MALRD1: variants seen among roughly 807,000 people sequenced by gnomAD.
MALRD1 encodes MAM and LDL-receptor class A domain-containing protein 1.
Under a neutral mutation model 242.1 loss-of-function variants are expected in MALRD1, and 247 were observed. The observed-to-expected ratio is 1.02, with a 90% CI of 0.92 to 1.13. The LOEUF is 1.13. MALRD1 is among the 50% of genes most tolerant of loss of function. The probability of loss-of-function intolerance (pLI) is 0.00; values close to 1 mark genes in which losing one functional copy is unlikely to be tolerated. For missense variants in MALRD1, 2,989 were observed against 2,533.1 expected, an observed-to-expected ratio of 1.18 and a Z score of -3.86; for synonymous variants, 995 against 866.6, an observed-to-expected ratio of 1.15 and a Z score of -2.60.
At chr10:19,248,683 T>C (rs1035274523) in intron 18 of MALRD1, among the ~76,000 whole-genome samples, 1 of 151,820 alleles carries the variant, frequency 6.6e-6, no homozygotes, top group South Asian at 2.1e-4. Flanking sequence ...CTTTGACTGT[T>C]TGGACATCAT....
intron 21 of MALRD1, among the ~76,000 whole-genome samples, chr10:19,298,708 AG>A (rs35956494): frequency 0.13 from 19,143 of 151,994 alleles, 1,231 homozygotes; most frequent in South Asian, 0.15. Context: ...CAGCACCTTA[AG>A]ATGCTCAGCA....
At chr10:19,253,891 A>G (rs1434647906) in intron 18 of MALRD1, among the ~76,000 whole-genome samples, 1 of 151,954 alleles carries the variant, frequency 6.6e-6, no homozygotes, top group Non-Finnish European at 1.5e-5. Context: ...ACCATGGGTC[A>G]AGGGTGGGAC....
intron 1 of MALRD1, among the ~76,000 whole-genome samples, chr10:19,065,116 C>T (rs1171886179): frequency 6.6e-6 from 1 of 150,954 alleles, no homozygotes; most frequent in African/African-American, 2.4e-5. Flanking sequence ...GGAGAAACCC[C>T]GTCTCTACTA....
At chr10:19,591,049 T>C (rs1002504598) in intron 33 of MALRD1, among the ~76,000 whole-genome samples, 3 of 152,186 alleles carry the variant, frequency 2.0e-5, no homozygotes, top group Non-Finnish European at 4.4e-5. Flanking sequence ...GCTCTACCTA[T>C]TCATTCCTCC....
intron 25 of MALRD1, among the ~76,000 whole-genome samples, 194 bp downstream of exon 25, chr10:19,348,212 G>A (rs1844217651): frequency 6.6e-6 from 1 of 152,270 alleles, no homozygotes; most frequent in African/African-American, 2.4e-5. Context: ...ACTGTTGGAA[G>A]AATTTCTCCT....
chr10:19,578,276 A>G (rs1377829012), intron 33 of MALRD1, among the ~76,000 whole-genome samples: 1 of 152,236 alleles, frequency 6.6e-6, no homozygotes, highest in Non-Finnish European at 1.5e-5. Context: ...ATTTGTAGAA[A>G]TAGCTGAAAA....
At chr10:19,111,683 A>G (rs1217602902) in intron 5 of MALRD1, among the ~76,000 whole-genome samples, 1 of 152,254 alleles carries the variant, frequency 6.6e-6, no homozygotes, top group Non-Finnish European at 1.5e-5. Flanking sequence ...GGGCATTGCA[A>G]ACAATGTCAT....
At chr10:19,275,094 C>T (rs534970671) in intron 19 of MALRD1, among the ~76,000 whole-genome samples, 4 of 151,892 alleles carry the variant, frequency 2.6e-5, no homozygotes, top group Non-Finnish European at 5.9e-5. Flanking sequence ...TCTATTCTTT[C>T]TTCCTCATTT....
chr10:19,235,700 T>C (rs1236884627), intron 18 of MALRD1, among the ~76,000 whole-genome samples: 1 of 151,710 alleles, frequency 6.6e-6, no homozygotes, highest in Non-Finnish European at 1.5e-5. Context: ...TCATGAAATA[T>C]CTAGAAAGTA....
At chr10:19,290,568 T>A (rs1044704657) in intron 21 of MALRD1, 2 of 152,194 alleles carry the variant, frequency 1.3e-5, no homozygotes, top group African/African-American at 2.4e-5. Flanking sequence ...AGATTTCCAT[T>A]TCCTTTAAAT....
intron 28 of MALRD1, among the ~76,000 whole-genome samples, chr10:19,434,200 C>T (rs555826250): frequency 1.3e-5 from 2 of 152,084 alleles, no homozygotes; most frequent in Non-Finnish European, 2.9e-5. Context: ...ACTATTCTAG[C>T]AAAGAATGGG....
intron 18 of MALRD1, among the ~76,000 whole-genome samples, chr10:19,221,644 T>C (rs192436139): frequency 3.3e-4 from 50 of 152,148 alleles, no homozygotes; most frequent in Middle Eastern, 6.8e-3. Context: ...AAAGAGTGTA[T>C]GGGCAAGAAA....
intron 18 of MALRD1, among the ~76,000 whole-genome samples, chr10:19,254,989 C>T (rs1839442462): frequency 6.6e-6 from 1 of 151,906 alleles, no homozygotes; most frequent in Admixed American, 6.6e-5. Context: ...TTCCTAAATA[C>T]ATAGAAGGAT....
chr10:19,073,850 A>G (rs1332879505), intron 2 of MALRD1, among the ~76,000 whole-genome samples: 4 of 152,130 alleles, frequency 2.6e-5, no homozygotes, highest in Non-Finnish European at 5.9e-5. Flanking sequence ...AGAAAAGGGT[A>G]CAAAATTTGG....
chr10:19,457,288 T>C (rs940577653), intron 29 of MALRD1, among the ~76,000 whole-genome samples: 1 of 152,178 alleles, frequency 6.6e-6, no homozygotes, highest in African/African-American at 2.4e-5. Flanking sequence ...TTGACATATC[T>C]GTCAAGCAGG....
intron 21 of MALRD1, among the ~76,000 whole-genome samples, chr10:19,292,374 G>A (rs890719782): frequency 1.3e-5 from 2 of 151,970 alleles, no homozygotes; most frequent in African/African-American, 2.4e-5. Context: ...TTAAAATGTT[G>A]TGGATTTGCT....
chr10:19,189,030 TAGGGAGAGAGAGAA>T (rs1835859945), intron 14 of MALRD1, among the ~76,000 whole-genome samples: 1 of 151,562 alleles, frequency 6.6e-6, no homozygotes, highest in South Asian at 2.1e-4. Context: ...GAAATGGACC[TAGGGAGAGAGAGAA>T]AGGGAGAGAG....
intron 29 of MALRD1, among the ~76,000 whole-genome samples, chr10:19,461,939 A>G (rs1835966410): frequency 1.3e-5 from 2 of 152,116 alleles, no homozygotes; most frequent in South Asian, 4.1e-4. Context: ...GCCTGGACAC[A>G]TTGTTGCAGG....
rs1478683650 is a variant in MALRD1, at chr10:19,595,336, C to T, written c.5823C>T (p.Ser1941=). 7 of 1,550,254 alleles carry T rather than the reference C, an allele frequency of 4.5e-6. No homozygotes were observed. The highest frequency in any genetic ancestry group is 6.1e-6 in the Non-Finnish European group (7 of 1,146,570). The change falls in exon 34 of 40, where the codon AGC becomes AGT. Residue 1941 remains serine (S), a synonymous_variant. Coordinates refer to ENST00000454679, the MANE Select transcript of MALRD1 (RefSeq NM_001142308.3). ...DGSDEMDCPL[S]PTPPLCSNME... is the part of the protein sequence containing the mutation. ...CTGATGAAATGGATTGTCCTCTCAG[C>T]CCCACCCCTCCACTCTGTAGTAACA...
Sources: allele counts gnomAD v4.1 joint callset (sites outside exome capture counted in the v4.1 genomes callset), GRCh38; gene constraint gnomAD v4.1.1; transcripts MANE v1.5; gene names NCBI Gene and HGNC (gene_info 2026-07-23, HGNC 2026-07-21).